The following ADAMTSL1 variants were observed in gnomAD, a reference collection of about 807,000 sequenced individuals.
ADAMTSL1 encodes ADAMTS like 1.
In ADAMTSL1, 126 loss-of-function variants were observed where a neutral mutation model predicts 201.8. The ratio of observed to expected loss-of-function variants is 0.62; its 90% confidence interval spans 0.54 to 0.72. The LOEUF is 0.72. Ranked by LOEUF, ADAMTSL1 falls within the 30% of genes least tolerant of loss-of-function variation. The probability of loss-of-function intolerance (pLI) is 0.00; values close to 1 mark genes in which losing one functional copy is unlikely to be tolerated. For synonymous variants in ADAMTSL1, 1,121 were observed against 903.4 expected (o/e 1.24, Z -4.32); for missense variants, 2,679 against 2,277.8 (o/e 1.18, Z -3.59).
chr9:18,396,204 T>C (rs931660484), intron 2 of ADAMTSL1, among the ~76,000 whole-genome samples: 10 of 152,146 alleles, frequency 6.6e-5, no homozygotes, highest in African/African-American at 9.7e-5. Context: ...ACAGTCCCAG[T>C]TGATGATAAG....
chr9:18,704,505 A>G lies in ADAMTSL1; in HGVS notation c.1575-2242A>G, dbSNP rs112815244. On this transcript the variant is annotated intron_variant, in intron 13 of 28. Coordinates refer to ENST00000380548, the MANE Select transcript of ADAMTSL1 (RefSeq NM_001040272.6). ...TATTCATCACACCATTGTCAAAGTT[A>G]GCAGGCTAATCATTTGCTTTTGTGT... is the stretch of plus-strand genomic sequence containing the variant. Among the ~76,000 whole-genome samples, 961 of 152,346 alleles carry G rather than the reference A, an allele frequency of 6.3e-3. 7 individuals are homozygous for G. The highest frequency in any genetic ancestry group is 0.02 in the African/African-American group (836 of 41,572).
chr9:18,559,961 C>G (rs13300791), intron 3 of ADAMTSL1, among the ~76,000 whole-genome samples: 39,574 of 152,044 alleles, frequency 0.26, 5,953 homozygotes, highest in Admixed American at 0.37. Flanking sequence ...CAAACAGAGA[C>G]AATTTGACTT....
chr9:18,216,217 C>T (rs1175655650), intron 2 of ADAMTSL1, among the ~76,000 whole-genome samples: 3 of 152,156 alleles, frequency 2.0e-5, no homozygotes, highest in South Asian at 2.1e-4. Flanking sequence ...TTTTGTTGTT[C>T]GTTGTCAAAA....
chr9:18,200,438 A>G (rs1242826513), intron 2 of ADAMTSL1, among the ~76,000 whole-genome samples: 2 of 152,094 alleles, frequency 1.3e-5, no homozygotes, highest in African/African-American at 4.8e-5. Flanking sequence ...TTTTGAAGAG[A>G]TGATTACACA....
intron 14 of ADAMTSL1, chr9:18,718,066 A>C (rs769346085): frequency 2.2e-5 from 33 of 1,494,952 alleles, no homozygotes; most frequent in Non-Finnish European, 2.9e-5. Flanking sequence ...AGATCTCATT[A>C]ACATTTATTT....
chr9:17,953,839 G>A (rs1827826805), intron 1 of ADAMTSL1, among the ~76,000 whole-genome samples: 1 of 152,186 alleles, frequency 6.6e-6, no homozygotes, highest in African/African-American at 2.4e-5. Context: ...TGTGTGAGGA[G>A]TTTGGGCAGG....
intron 2 of ADAMTSL1, among the ~76,000 whole-genome samples, chr9:18,216,772 A>T (rs1466864439): frequency 6.7e-6 from 1 of 150,152 alleles, no homozygotes; most frequent in East Asian, 2.0e-4. Flanking sequence ...GACTCTAGAC[A>T]TTACTACCTT....
intron 2 of ADAMTSL1, among the ~76,000 whole-genome samples, chr9:18,278,769 T>C (rs1443422691): frequency 6.6e-6 from 1 of 152,220 alleles, no homozygotes; most frequent in East Asian, 1.9e-4. Flanking sequence ...TTTTTGCTGA[T>C]TCTCCTGGGA....
At chr9:18,286,437 G>T (rs752998655) in intron 2 of ADAMTSL1, among the ~76,000 whole-genome samples, 7 of 152,110 alleles carry the variant, frequency 4.6e-5, no homozygotes, top group Non-Finnish European at 1.0e-4. Context: ...TGACTAGTTA[G>T]CTGGCTCCTG....
chr9:18,484,129 T>C (rs1173687153), intron 1 of ADAMTSL1, among the ~76,000 whole-genome samples: 2 of 152,228 alleles, frequency 1.3e-5, no homozygotes, highest in Non-Finnish European at 1.5e-5. Flanking sequence ...GCCTGCTATA[T>C]ATCAGGCACT....
At chr9:18,190,320 C>G (rs1350623507) in intron 2 of ADAMTSL1, among the ~76,000 whole-genome samples, 1 of 152,198 alleles carries the variant, frequency 6.6e-6, no homozygotes, top group East Asian at 1.9e-4. Flanking sequence ...GTCCAACCAA[C>G]TCTTTTTAAT....
At chr9:18,471,586 C>T (rs756479484), upstream of ADAMTSL1, among the ~76,000 whole-genome samples, 3 of 152,154 alleles carry the variant, frequency 2.0e-5, no homozygotes, top group Middle Eastern at 3.2e-3. Context: ...TTTTGTTCTC[C>T]CTTTTCTGAA....
chr9:17,947,848 T>C lies in ADAMTSL1; in HGVS notation c.87+40926T>C, dbSNP rs145750747. Among the ~76,000 whole-genome samples the C allele has an allele frequency of 4.1e-3, 624 of 152,278 alleles. 3 individuals carry two copies. The highest frequency in any genetic ancestry group is 0.014 in the African/African-American group (593 of 41,582). On this transcript the variant is annotated intron_variant, in intron 1 of 29. Coordinates refer to the ADAMTSL1 transcript ENST00000680146. ...AATTTAGGGGAACAACTATTCTACCTGAACGAAAAGTCATGCGTCAAAGAG... is the reference window on the plus strand; with the variant it reads ...AATTTAGGGGAACAACTATTCTACCCGAACGAAAAGTCATGCGTCAAAGAG...
chr9:18,048,930 G>T, intron 1 of ADAMTSL1, among the ~76,000 whole-genome samples: 1 of 152,138 alleles, frequency 6.6e-6, no homozygotes, highest in East Asian at 1.9e-4. Flanking sequence ...CCAAGATCAA[G>T]GTATCAGCAG....
At chr9:18,415,997 GAAAAGCTAAAAGAATTCAT>G (rs1234712032) in intron 2 of ADAMTSL1, among the ~76,000 whole-genome samples, 1 of 151,914 alleles carries the variant, frequency 6.6e-6, no homozygotes, top group Non-Finnish European at 1.5e-5. Context: ...TTTCAGACAT[GAAAAGCTAAAAGAATTCAT>G]TACTAGCAGA....
intron 20 of ADAMTSL1, among the ~76,000 whole-genome samples, chr9:18,798,199 G>T (rs763785033): frequency 6.6e-6 from 1 of 152,198 alleles, no homozygotes; most frequent in Non-Finnish European, 1.5e-5. Context: ...TTTACCAGAT[G>T]CAGGGAAATT....
intron 23 of ADAMTSL1, among the ~76,000 whole-genome samples, chr9:18,869,932 A>C (rs1827782143): frequency 6.6e-6 from 1 of 151,990 alleles, no homozygotes; most frequent in Middle Eastern, 3.4e-3. Flanking sequence ...ATTAGACCTC[A>C]ATTTTTTTTC....
intron 1 of ADAMTSL1, among the ~76,000 whole-genome samples, chr9:17,955,674 C>CT: frequency 6.6e-6 from 1 of 152,274 alleles, no homozygotes; most frequent in South Asian, 2.1e-4. Flanking sequence ...TAGATGTTAT[C>CT]TGCATGTCAG....
chr9:18,243,253 G>T (rs572950050), intron 2 of ADAMTSL1, among the ~76,000 whole-genome samples: 7 of 152,164 alleles, frequency 4.6e-5, no homozygotes, highest in Admixed American at 3.9e-4. Flanking sequence ...TTCAATAAAT[G>T]GTGCTGGAAA....
Sources: allele counts gnomAD v4.1 joint callset (sites outside exome capture counted in the v4.1 genomes callset), GRCh38; gene constraint gnomAD v4.1.1; transcripts MANE v1.5; gene names NCBI Gene and HGNC (gene_info 2026-07-23, HGNC 2026-07-21).